ADAM2: variants seen among roughly 807,000 people sequenced by gnomAD.
The protein encoded by ADAM2 is ADAM metallopeptidase domain 2, also known as disintegrin and metalloproteinase domain-containing protein 2.
A neutral mutation model predicts 99.3 loss-of-function variants in ADAM2; 101 were observed. That is an observed-to-expected ratio of 1.02 (90% confidence interval 0.87 to 1.20). ADAM2 has a LOEUF of 1.20. Among genes scored for constraint, ADAM2 ranks in the 50% most tolerant of loss-of-function variants. ADAM2 has a pLI of 0.00. For synonymous variants in ADAM2, 323 were observed against 287.6 expected (o/e 1.12, Z -1.25); for missense variants, 948 against 878.7 (o/e 1.08, Z -1.00).
At chr8:39,775,472 T>C (rs1482815697) in intron 11 of ADAM2, among the ~76,000 whole-genome samples, 3 of 152,084 alleles carry the variant, frequency 2.0e-5, no homozygotes, top group Non-Finnish European at 4.4e-5. Flanking sequence ...GGCACTTCTC[T>C]CATACAAGGT....
intron 16 of ADAM2, among the ~76,000 whole-genome samples, chr8:39,752,968 G>C (rs1377728750): frequency 1.3e-5 from 2 of 152,166 alleles, no homozygotes; most frequent in Non-Finnish European, 2.9e-5. Flanking sequence ...TTAACAGCAT[G>C]AGAACAGACT....
chr8:39,753,691 A>G (rs569154521), intron 16 of ADAM2, among the ~76,000 whole-genome samples: 1 of 152,302 alleles, frequency 6.6e-6, no homozygotes, highest in South Asian at 2.1e-4. Flanking sequence ...CTATGGCTAA[A>G]AGGGTCCAAG....
At chr8:39,795,863 GA>G (rs1803914796) in intron 7 of ADAM2, among the ~76,000 whole-genome samples, 1 of 152,070 alleles carries the variant, frequency 6.6e-6, no homozygotes. Flanking sequence ...AAATAGACAT[GA>G]AAAATTGTAC....
intron 16 of ADAM2, among the ~76,000 whole-genome samples, chr8:39,753,979 T>TG (rs1481130080): frequency 6.6e-6 from 1 of 152,234 alleles, no homozygotes; most frequent in Non-Finnish European, 1.5e-5. Flanking sequence ...ATCTTAATGT[T>TG]GGGGTCAACC....
At chr8:39,810,274 G>T (rs543245342) in intron 6 of ADAM2, among the ~76,000 whole-genome samples, 22 of 152,184 alleles carry the variant, frequency 1.4e-4, no homozygotes, top group Non-Finnish European at 2.5e-4. Context: ...GGAGCACCCA[G>T]ATTCATAAAG....
intron 11 of ADAM2, among the ~76,000 whole-genome samples, 153 bp from the exon 12 acceptor site, chr8:39,769,728 G>A (rs545002419): frequency 6.6e-6 from 1 of 152,272 alleles, no homozygotes; most frequent in Non-Finnish European, 1.5e-5. Context: ...GAAGTCAACT[G>A]TGCAAGAATG....
rs148916765 is a variant in ADAM2 at position 39,802,141 on chromosome 8, C to A, written c.570+7269G>T. Reference sequence around the variant, plus strand: ...AGTGGCGTGGGTTCACAAGTGGGATCCATGGGTTTCACAGTTCCGTGGGAA... The same window carrying A: ...AGTGGCGTGGGTTCACAAGTGGGATACATGGGTTTCACAGTTCCGTGGGAA... On this transcript the variant is annotated intron_variant, in intron 7 of 20. Coordinates refer to ENST00000265708, the MANE Select transcript of ADAM2 (RefSeq NM_001464.5). Among the ~76,000 whole-genome samples the A allele has an allele frequency of 1.4e-3, 219 of 152,316 alleles. 1 individual carries two copies. The highest frequency in any genetic ancestry group is 5.1e-3 in the African/African-American group (214 of 41,566).
chr8:39,810,908 A>G (rs1804666545), intron 6 of ADAM2, among the ~76,000 whole-genome samples: 1 of 152,164 alleles, frequency 6.6e-6, no homozygotes, highest in Non-Finnish European at 1.5e-5. Context: ...TTCAAAACCT[A>G]GCAGAAGGCA....
At chr8:39,765,074 T>C (rs1802519458) in intron 14 of ADAM2, among the ~76,000 whole-genome samples, 1 of 151,840 alleles carries the variant, frequency 6.6e-6, no homozygotes, top group African/African-American at 2.4e-5. Flanking sequence ...AATAAATAGC[T>C]GCACACATAC....
intron 18 of ADAM2, 134 bp downstream of exon 18, chr8:39,749,178 C>T (rs1823597912): frequency 2.7e-6 from 2 of 751,102 alleles, no homozygotes; most frequent in Admixed American, 2.8e-5. Flanking sequence ...GGAAGTAACA[C>T]ATACACATTC....
At chr8:39,799,714 G>GCTC (rs1473786460) in intron 7 of ADAM2, among the ~76,000 whole-genome samples, 1 of 152,164 alleles carries the variant, frequency 6.6e-6, no homozygotes, top group Non-Finnish European at 1.5e-5. Flanking sequence ...GAACCTGGGT[G>GCTC]CTCCTGTATT....
At chr8:39,833,204 CT>C (rs1805686655) in intron 3 of ADAM2, among the ~76,000 whole-genome samples, 1 of 151,896 alleles carries the variant, frequency 6.6e-6, no homozygotes, top group Non-Finnish European at 1.5e-5. Context: ...AATTTTGAGT[CT>C]TTTTTTAATG....
At chr8:39,760,057 G>A (rs2129583665) in intron 15 of ADAM2, among the ~76,000 whole-genome samples, 1 of 152,004 alleles carries the variant, frequency 6.6e-6, no homozygotes, top group South Asian at 2.1e-4. Context: ...AGTAGAGACG[G>A]GGATTCACCA....
At chr8:39,754,861 G>C (rs1271328586) in intron 16 of ADAM2, among the ~76,000 whole-genome samples, 1 of 152,222 alleles carries the variant, frequency 6.6e-6, no homozygotes, top group South Asian at 2.1e-4. Context: ...GGCAAAAACT[G>C]TTGATATGTA....
In ADAM2 at chr8:39,788,167, C is replaced by G. The variant is rs138748616; in HGVS notation, c.727G>C (p.Ala243Pro). 1 of 1,587,744 alleles carries G rather than the reference C, an allele frequency of 6.3e-7. No homozygotes were observed. Among genetic ancestry groups the G allele is most frequent in the African/African-American group, 1.4e-5 (1 of 73,688 alleles). Residue 243 changes from alanine to proline, a missense_variant, in exon 9 of 21, where the codon GCT (alanine) becomes CCT (proline). Ala to Pro is a conservative substitution (Grantham distance 27). Transcript: ENST00000265708. ...AAAAATGTGTGTAATAACTCATTAGCTTCTCCAGTGGTTGCAATTTTATTT... is the reference window on the plus strand; with the variant it reads ...AAAAATGTGTGTAATAACTCATTAGGTTCTCCAGTGGTTGCAATTTTATTT... ...DENKIATTGE[A>P]NELLHTFLRW...
chr8:39,759,699 ATGTAAACAACC>A (rs1382606140), intron 15 of ADAM2, among the ~76,000 whole-genome samples: 1 of 152,196 alleles, frequency 6.6e-6, no homozygotes. Flanking sequence ...AACAGGAAAA[ATGTAAACAACC>A]TGTAAACCTA....
intron 3 of ADAM2, among the ~76,000 whole-genome samples, chr8:39,831,068 C>T (rs1805596528): frequency 6.6e-6 from 1 of 152,128 alleles, no homozygotes; most frequent in African/African-American, 2.4e-5. Context: ...TCTTGGACTT[C>T]CCAGCCTCTA....
At chr8:39,774,784 T>C (rs1446999227) in intron 11 of ADAM2, 5 of 152,154 alleles carry the variant, frequency 3.3e-5, no homozygotes, top group African/African-American at 1.2e-4. Flanking sequence ...ACAACTATTG[T>C]AATCATTATA....
At chr8:39,836,775 T>C (rs1332976413) in intron 2 of ADAM2, among the ~76,000 whole-genome samples, 1 of 152,212 alleles carries the variant, frequency 6.6e-6, no homozygotes, top group Non-Finnish European at 1.5e-5. Context: ...CATCATCCCA[T>C]ATAAGCAAGC....
Sources: gnomAD v4.1 joint callset for allele counts (sites outside exome capture counted in the v4.1 genomes callset) on GRCh38, gnomAD v4.1.1 for gene constraint, MANE v1.5 for transcripts, NCBI Gene and HGNC (gene_info 2026-07-23, HGNC 2026-07-21) for gene names.